The following UNC13A variants were observed in gnomAD, a reference collection of about 807,000 sequenced individuals.
The protein encoded by UNC13A is unc-13 homolog A.
UNC13A carries 61 observed loss-of-function variants against 219.7 expected under a neutral mutation model. That is an observed-to-expected ratio of 0.28 (90% confidence interval 0.23 to 0.34). The LOEUF is 0.34. UNC13A is among the 10% of genes least tolerant of loss of function. The pLI is 1.00. For missense variants in UNC13A, 1,476 were observed against 2,270.3 expected (o/e 0.65, Z 7.11); for synonymous variants, 920 against 884.6 (o/e 1.04, Z -0.71).
chr19:17,618,582 C>T (rs2076693428), intron 39 of UNC13A, 81 bp from the exon 40 acceptor site: 1 of 1,407,898 alleles, frequency 7.1e-7, no homozygotes, highest in Non-Finnish European at 9.8e-7. Context: ...CATCCCTGTT[C>T]AACTTGGAGG....
In UNC13A at chr19:17,618,958, G is replaced by C. The variant is rs1568504016; in HGVS notation, c.4277C>G (p.Thr1426Ser). Residue 1426 changes from threonine to serine, a missense_variant, in exon 39 of 44, where the codon ACC becomes AGC. Coordinates refer to ENST00000519716, the MANE Select transcript of UNC13A (RefSeq NM_001080421.3). ...CTTGGCTGCATTGAAGATCATCTGGGTTCCCTGCAGGTAACAACATACAGC... is the reference window on the plus strand; with the variant it reads ...CTTGGCTGCATTGAAGATCATCTGGCTTCCCTGCAGGTAACAACATACAGC... ...RVKLPSHSDGTQMIFNAAKEL... is the reference protein window; with the variant it reads ...RVKLPSHSDGSQMIFNAAKEL... 5 of 1,613,966 alleles carry C rather than the reference G, an allele frequency of 3.1e-6. No individual in the cohort carries two copies. Among genetic ancestry groups the C allele is most frequent in the Non-Finnish European group, 4.2e-6 (5 of 1,179,864 alleles).
At chr19:17,624,101 C>T (rs893846195) in intron 35 of UNC13A, among the ~76,000 whole-genome samples, 11 of 151,718 alleles carry the variant, frequency 7.3e-5, no homozygotes, top group African/African-American at 2.4e-4. Flanking sequence ...TTAGAAAAAC[C>T]CATTGATGTC....
intron 8 of UNC13A, among the ~76,000 whole-genome samples, chr19:17,662,932 A>AG (rs2079577471): frequency 6.6e-6 from 1 of 151,674 alleles, no homozygotes; most frequent in African/African-American, 2.4e-5. Flanking sequence ...AAAAAAAAAA[A>AG]AAAAGGAAAA....
At chr19:17,638,126 A>G (rs1239437407) in intron 25 of UNC13A, among the ~76,000 whole-genome samples, 1 of 146,598 alleles carries the variant, frequency 6.8e-6, no homozygotes, top group Non-Finnish European at 1.5e-5. Flanking sequence ...CCACTATCTC[A>G]ATACTAACCA....
intron 1 of UNC13A, 25 bp downstream of exon 1, chr19:17,688,153 C>A (rs2080151196): frequency 6.5e-7 from 1 of 1,527,268 alleles, no homozygotes. Flanking sequence ...ACACGGGTCC[C>A]CCGACCCCCA....
Position 17,617,838 on chromosome 19 carries a change from G to C in UNC13A, c.4422C>G (p.His1474Gln), listed in dbSNP as rs750209384. ...LALDTIKQYF[H>Q]AGGVGLKKTF... ...TCTTCTTGAGGCCCACGCCACCCGC[G>C]TGGAAATATTGCTGGGGAGGACAGG... is the stretch of plus-strand genomic sequence containing the variant. The change falls in exon 41 of 44, where the codon CAC (histidine) becomes CAG (glutamine). Residue 1474 changes from histidine to glutamine, a missense_variant. Around this residue, in one of 14 missense-constraint regions of UNC13A, gnomAD observed 6 missense variants for 27.9 expected, o/e 0.21. Coordinates refer to ENST00000519716, the MANE Select transcript of UNC13A (RefSeq NM_001080421.3). The C allele has an allele frequency of 6.2e-7, 1 of 1,613,754 alleles. No homozygotes were observed. Among genetic ancestry groups the C allele is most frequent in the East Asian group, 2.2e-5 (1 of 44,896 alleles).
At chr19:17,661,988 T>G (rs2079558371) in intron 8 of UNC13A, among the ~76,000 whole-genome samples, 1 of 152,060 alleles carries the variant, frequency 6.6e-6, no homozygotes, top group African/African-American at 2.4e-5. Context: ...AAACTTGTAA[T>G]CCCAGCCCTT....
At position 17,686,341 on chromosome 19, in the gene UNC13A, A is replaced by C. The variant is rs1025368086; in HGVS notation, c.22+1837T>G. On this transcript the variant is annotated intron_variant, in intron 1 of 43. Transcript: ENST00000519716. Reference sequence around the variant, plus strand: ...CCACTCCACTAGGCAAACCTTCCAGAGAAGCCCAACTTGGAGGATGTGAGG... The same window carrying C: ...CCACTCCACTAGGCAAACCTTCCAGCGAAGCCCAACTTGGAGGATGTGAGG... 8.2e-4 allele frequency among the ~76,000 whole-genome samples: 114 copies of C among 139,644 alleles called. 4 individuals carry two copies. Among genetic ancestry groups the C allele is most frequent in the Non-Finnish European group, 2.8e-4 (18 of 64,060 alleles). 91.6% of individuals were successfully genotyped at this position (139,644 alleles called of 152,430 possible).
chr19:17,666,624 C>A, intron 7 of UNC13A, 26 bp downstream of exon 7: 1 of 1,463,942 alleles, frequency 6.8e-7, no homozygotes, highest in Non-Finnish European at 9.1e-7. Flanking sequence ...CAGCTGATAC[C>A]CAAGGAAGAA....
intron 41 of UNC13A, among the ~76,000 whole-genome samples, chr19:17,612,355 C>G (rs2076613310): frequency 6.6e-6 from 1 of 152,158 alleles, no homozygotes; most frequent in Non-Finnish European, 1.5e-5. Flanking sequence ...TCTTCACTTC[C>G]TCCCTAGGTG....
intron 11 of UNC13A, among the ~76,000 whole-genome samples, chr19:17,653,744 C>T (rs750795072): frequency 6.6e-6 from 1 of 151,858 alleles, no homozygotes; most frequent in Admixed American, 6.6e-5. Context: ...CCTCCCGCCT[C>T]GACCTCCCAA....
intron 22 of UNC13A, 49 bp downstream of exon 22, chr19:17,640,462 A>C (rs1210119420): frequency 6.6e-7 from 1 of 1,523,958 alleles, no homozygotes; most frequent in African/African-American, 1.4e-5. Flanking sequence ...TCTGACCGGC[A>C]TAAAGTTGGG....
At chr19:17,630,837 AGCTATGGCTGCTCCT>A in intron 28 of UNC13A, 87 bp from the exon 29 acceptor site, 1 of 1,217,322 alleles carries the variant, frequency 8.2e-7, no homozygotes, top group South Asian at 1.3e-5. Flanking sequence ...TAACGAGTGG[AGCTATGGCTGCTCCT>A]GCTCTGCCTG....
At chr19:17,616,135 GC>G (rs996976769) in intron 41 of UNC13A, among the ~76,000 whole-genome samples, 3 of 152,218 alleles carry the variant, frequency 2.0e-5, no homozygotes, top group African/African-American at 7.2e-5. Flanking sequence ...CCTGACAGGT[GC>G]CTGTCCCGGG....
At chr19:17,645,945 G>T (rs763892285) in intron 18 of UNC13A, 25 bp downstream of exon 18, 5 of 1,608,098 alleles carry the variant, frequency 3.1e-6, no homozygotes, top group Non-Finnish European at 4.2e-6. Context: ...CCCACATGGG[G>T]CCAGGGACCC....
chr19:17,680,086 G>C (rs1042119851), intron 1 of UNC13A, among the ~76,000 whole-genome samples: 2 of 151,944 alleles, frequency 1.3e-5, no homozygotes, highest in African/African-American at 4.8e-5. Context: ...AGAGTGGCGA[G>C]GGGGTTCTCA....
At chr19:17,651,361 T>C (rs2079344332) in intron 12 of UNC13A, among the ~76,000 whole-genome samples, 2 of 152,248 alleles carry the variant, frequency 1.3e-5, no homozygotes, top group African/African-American at 4.8e-5. Flanking sequence ...ATAGCTGGGA[T>C]TACAAGCATG....
rs1040836970 is a variant in UNC13A, at chr19:17,601,407, A to G, written c.*4647T>C. The G allele has an allele frequency of 6.6e-6, 1 of 152,612 alleles. No homozygotes were observed. Among genetic ancestry groups the G allele is most frequent in the East Asian group, 1.9e-4 (1 of 5,196 alleles). The allele number at this position is 152,612 out of a possible 1,614,324, so 9.5% of individuals were successfully genotyped here. On this transcript the variant is annotated 3_prime_UTR_variant, in exon 44 of 44. Transcript: ENST00000519716. ...TTTACAGAGACCAAAAAGTCAGAAT[A>G]GTGCAAAACATCTCAACACCATGCA...
Position 17,674,863 on chromosome 19 carries a change from CT to C in UNC13A, c.53-108del, listed in dbSNP as rs1481559402. The C allele has an allele frequency of 3.2e-6, 3 of 941,146 alleles. No individual in the cohort carries two copies. The East Asian group carries it at 7.6e-5, about 24-fold the overall frequency. The allele number at this position is 941,146 out of a possible 1,614,324, so 58.3% of individuals were successfully genotyped here. On this transcript the variant is annotated intron_variant, in intron 2 of 43. Transcript: ENST00000519716. This position sits in a 1 kb window ranked among gnomAD's most constrained non-coding sequence, Gnocchi z 5.0. ...GATCCCCTCAGGAATTTCTGGGCCA[CT>C]CACCCCCTAACCCACAACCCCACCC...
Sources: allele counts gnomAD v4.1 joint callset (sites outside exome capture counted in the v4.1 genomes callset), GRCh38; gene constraint gnomAD v4.1.1; regional missense constraint gnomAD v4.1.1; non-coding constraint Gnocchi (gnomAD v3.1); transcripts MANE v1.5; gene names NCBI Gene and HGNC (gene_info 2026-07-23, HGNC 2026-07-21).